KBTBD13: variants seen among roughly 807,000 people sequenced by gnomAD.
The protein encoded by KBTBD13 is kelch repeat and BTB domain containing 13.
A neutral mutation model predicts 25.4 loss-of-function variants in KBTBD13; 32 were observed. The observed-to-expected ratio is 1.26, with a 90% CI of 0.95 to 1.69. KBTBD13 has a LOEUF of 1.69. Among genes scored for constraint, KBTBD13 ranks in the 40% most tolerant of loss-of-function variants. The pLI, the probability that KBTBD13 is intolerant of heterozygous loss-of-function variation, is 0.00. For missense variants in KBTBD13, 898 were observed against 679.5 expected (o/e 1.32, Z -3.57); for synonymous variants, 436 against 329.8 (o/e 1.32, Z -3.49).
Position 65,076,801 on chromosome 15 carries a change from C to T in KBTBD13, c.-15C>T, listed in dbSNP as rs1473422337. The T allele has an allele frequency of 2.0e-6, 3 of 1,508,560 alleles. No homozygotes were observed. The highest frequency in any genetic ancestry group is 2.7e-6 in the Non-Finnish European group (3 of 1,129,298). The allele number at this position is 1,508,560 out of a possible 1,614,324, so 93.4% of individuals were successfully genotyped here. On this transcript the variant is annotated 5_prime_UTR_variant, in exon 1 of 1. Coordinates refer to ENST00000432196, the MANE Select transcript of KBTBD13 (RefSeq NM_001101362.3). Reference sequence around the variant, plus strand: ...CCCAAGGCCCCAGCGGCAGCCTCCGCCCGGCCAGCTCGCCATGGCACGGGG... The same window carrying T: ...CCCAAGGCCCCAGCGGCAGCCTCCGTCCGGCCAGCTCGCCATGGCACGGGG...
Position 65,077,137 on chromosome 15 carries a change from T to C in KBTBD13, c.322T>C (p.Leu108=). ...EHNLTSDNCA[L]LCDAAAAFGL... is the part of the protein sequence containing the mutation. ...CAACCTCACGTCGGACAACTGCGCA[T>C]TGCTGTGCGACGCGGCCGCCGCCTT... Residue 108 remains leucine (L), a synonymous_variant, in exon 1 of 1, where the codon TTG becomes CTG. Coordinates refer to ENST00000432196, the MANE Select transcript of KBTBD13 (RefSeq NM_001101362.3). 1.3e-6 allele frequency: 2 copies of C among 1,518,384 alleles called. No individual in the cohort carries two copies. Among genetic ancestry groups the C allele is most frequent in the Non-Finnish European group, 8.8e-7 (1 of 1,138,028 alleles). 94.1% of individuals were successfully genotyped at this position (1,518,384 alleles called of 1,614,324 possible).
chr15:65,077,917 G>C lies in KBTBD13; in HGVS notation c.1102G>C (p.Ala368Pro), dbSNP rs754648679. 1.9e-6 allele frequency: 3 copies of C among 1,611,850 alleles called. No homozygotes were observed. The highest frequency in any genetic ancestry group is 2.5e-6 in the Non-Finnish European group (3 of 1,179,802). Residue 368 changes from alanine to proline, a missense_variant, in exon 1 of 1, where the codon GCC becomes CCC. Transcript: ENST00000432196. ...ACCTTCCGACGACTTCCTGCACTGC[G>C]CCATCGACTGTCTCAACCTGGCCAC... ...NGPSDDFLHCAIDCLNLATGQ... is the reference protein window; with the variant it reads ...NGPSDDFLHCPIDCLNLATGQ...
In KBTBD13 at chr15:65,077,668, T is replaced by C. The variant is rs768886246; in HGVS notation, c.853T>C (p.Trp285Arg). 18 of 1,584,964 alleles carry C rather than the reference T, an allele frequency of 1.1e-5. No homozygotes were observed. The highest frequency in any genetic ancestry group is 1.5e-5 in the Non-Finnish European group (18 of 1,170,908). ...VERYDPAAGC[W>R]SFVADLPQPA... Reference sequence around the variant, plus strand: ...GCGCTACGACCCAGCCGCGGGCTGCTGGAGTTTCGTGGCCGACCTGCCGCA... The same window carrying C: ...GCGCTACGACCCAGCCGCGGGCTGCCGGAGTTTCGTGGCCGACCTGCCGCA... The change falls in exon 1 of 1, where the codon TGG (tryptophan) becomes CGG (arginine). Residue 285 changes from tryptophan (W) to arginine (R), a missense_variant. By Grantham distance (101) the Trp-to-Arg change is moderately radical. Transcript: ENST00000432196.
chr15:65,077,317 G>A lies in KBTBD13; in HGVS notation c.502G>A (p.Gly168Ser), dbSNP rs1595912667. Residue 168 changes from glycine to serine, a missense_variant, in exon 1 of 1, where the codon GGC becomes AGC. Transcript: ENST00000432196. ...AAVSTHTPAPGFLEDASRTLC... is the reference protein window; with the variant it reads ...AAVSTHTPAPSFLEDASRTLC... ...CGTGAGCACGCACACGCCCGCGCCC[G>A]GCTTCCTGGAGGACGCCTCGCGCAC... is the stretch of plus-strand genomic sequence containing the variant. 1 of 1,424,838 alleles carries A rather than the reference G, an allele frequency of 7.0e-7. No homozygotes were observed. Among genetic ancestry groups the A allele is most frequent in the African/African-American group, 1.5e-5 (1 of 66,822 alleles). The allele number at this position is 1,424,838 out of a possible 1,614,324, so 88.3% of individuals were successfully genotyped here.
rs576436870 is a variant in KBTBD13 at position 65,078,792 on chromosome 15, A to G, written c.*600A>G. Among the ~76,000 whole-genome samples, 2 of 152,352 alleles carry G rather than the reference A, an allele frequency of 1.3e-5. No homozygotes were observed. Among genetic ancestry groups the G allele is most frequent in the East Asian group, 1.9e-4 (1 of 5,194 alleles). On this transcript the variant is annotated 3_prime_UTR_variant, in exon 1 of 1. Coordinates refer to ENST00000432196, the MANE Select transcript of KBTBD13 (RefSeq NM_001101362.3). ...GGGAAAATAGGAAGAGAAAAAATAT[A>G]TAACTCCAGAAAAGAAGAGAGTGTG... is the stretch of plus-strand genomic sequence containing the variant.
At position 65,077,002 on chromosome 15, in the gene KBTBD13, C is replaced by T; in HGVS notation, c.187C>T (p.Gln63Ter). 6.6e-7 allele frequency: 1 copy of T among 1,526,306 alleles called. No individual in the cohort carries two copies. Among genetic ancestry groups the T allele is most frequent in the Non-Finnish European group, 8.8e-7 (1 of 1,141,806 alleles). 94.5% of individuals were successfully genotyped at this position (1,526,306 alleles called of 1,614,324 possible). A position where few individuals can be genotyped will look rare whatever the true frequency, so the allele number is the denominator to read the frequency against. The change falls in exon 1 of 1, where the codon CAG becomes TAG. Residue 63 changes from glutamine to a stop codon, truncating the protein, a stop_gained. Coordinates refer to ENST00000432196, the MANE Select transcript of KBTBD13 (RefSeq NM_001101362.3). LOFTEE classifies it high-confidence loss of function. The stretch of plus-strand genomic sequence containing the variant: ...CGCGGGAGGTTTCCGCGCCACGCTG[C>T]AGGTGCTGCGCGGCGACCGGCCGGC... ...LSAGGFRATL[Q>*]VLRGDRPALA...
chr15:65,077,898 C>T lies in KBTBD13; in HGVS notation c.1083C>T (p.Ser361=), dbSNP rs760978865. ...DSLYVVRNGP[S]DDFLHCAIDC... is the part of the protein sequence containing the mutation. ...TCTATGTGGTGCGCAACGGACCTTC[C>T]GACGACTTCCTGCACTGCGCCATCG... The change falls in exon 1 of 1, where the codon TCC becomes TCT. Residue 361 remains serine, a synonymous_variant. Coordinates refer to ENST00000432196, the MANE Select transcript of KBTBD13 (RefSeq NM_001101362.3). 1.2e-6 allele frequency: 2 copies of T among 1,611,924 alleles called. No homozygotes were observed. Among genetic ancestry groups the T allele is most frequent in the African/African-American group, 2.7e-5 (2 of 75,072 alleles).
Position 65,077,437 on chromosome 15 carries a change from G to C in KBTBD13, c.622G>C (p.Gly208Arg). 6.5e-7 allele frequency: 1 copy of C among 1,528,638 alleles called. No homozygotes were observed. Among genetic ancestry groups the C allele is most frequent in the Non-Finnish European group, 8.8e-7 (1 of 1,142,556 alleles). The allele number at this position is 1,528,638 out of a possible 1,614,324, so 94.7% of individuals were successfully genotyped here. A position where few individuals can be genotyped will look rare whatever the true frequency, so the allele number is the denominator to read the frequency against. The change falls in exon 1 of 1, where the codon GGC becomes CGC. Residue 208 changes from glycine (G) to arginine (R), a missense_variant. Physicochemically the swap from Gly to Arg is moderately radical, Grantham distance 125 (BLOSUM62 -2). Transcript: ENST00000432196. ...STLLAGVATL[G>R]NKLYIVGGVR... ...GTTGCTGGCCGGGGTGGCCACGCTG[G>C]GCAACAAGCTTTACATCGTGGGGGG...
In KBTBD13 at chr15:65,077,014, G is replaced by C. The variant is rs770087291; in HGVS notation, c.199G>C (p.Gly67Arg). The C allele has an allele frequency of 9.9e-6, 15 of 1,511,532 alleles. No individual in the cohort carries two copies. The highest frequency in any genetic ancestry group is 1.1e-5 in the Non-Finnish European group (12 of 1,135,234). 93.6% of individuals were successfully genotyped at this position (1,511,532 alleles called of 1,614,324 possible). ...GFRATLQVLR[G>R]DRPALAAEDE... ...CCGCGCCACGCTGCAGGTGCTGCGC[G>C]GCGACCGGCCGGCGCTGGCGGCGGA... is the stretch of plus-strand genomic sequence containing the variant. The change falls in exon 1 of 1, where the codon GGC becomes CGC. Residue 67 changes from glycine (G) to arginine (R), a missense_variant. Transcript: ENST00000432196.
In KBTBD13 at chr15:65,077,955, G is replaced by C. The variant is rs772820212; in HGVS notation, c.1140G>C (p.Thr380=). ...TCAACCTGGCCACGGGCCAGTGGACGGCGCTGCCCGGCCAGTTCGTCAACA... is the reference window on the plus strand; with the variant it reads ...TCAACCTGGCCACGGGCCAGTGGACCGCGCTGCCCGGCCAGTTCGTCAACA... The part of the protein sequence containing the change: ...DCLNLATGQW[T]ALPGQFVNSK... The change falls in exon 1 of 1, where the codon ACG becomes ACC. Residue 380 remains threonine, a synonymous_variant. Transcript: ENST00000432196. The C allele has an allele frequency of 6.2e-7, 1 of 1,611,130 alleles. No homozygotes were observed. Among genetic ancestry groups the C allele is most frequent in the Non-Finnish European group, 8.5e-7 (1 of 1,179,776 alleles).
Position 65,077,773 on chromosome 15 carries a change from G to T in KBTBD13, c.958G>T (p.Val320Leu), listed in dbSNP as rs367648853. ...CLWRPADTTA[V>L]VEYAVRTDAW... ...GTGGCGGCCGGCCGACACCACCGCC[G>T]TGGTGGAGTACGCAGTGCGGACCGA... is the stretch of plus-strand genomic sequence containing the variant. The change falls in exon 1 of 1, where the codon GTG becomes TTG. Residue 320 changes from valine (V) to leucine (L), a missense_variant. By Grantham distance (32) the Val-to-Leu change is conservative. Coordinates refer to ENST00000432196, the MANE Select transcript of KBTBD13 (RefSeq NM_001101362.3). The T allele has an allele frequency of 1.0e-4, 159 of 1,582,996 alleles. No homozygotes were observed. The East Asian group carries it at 3.2e-3, about 32-fold the overall frequency.
In KBTBD13 at chr15:65,077,934, C is replaced by T. The variant is rs201760548; in HGVS notation, c.1119C>T (p.Asn373=). ...DFLHCAIDCL[N]LATGQWTALP... is the part of the protein sequence containing the mutation. ...TGCACTGCGCCATCGACTGTCTCAA[C>T]CTGGCCACGGGCCAGTGGACGGCGC... The change falls in exon 1 of 1, where the codon AAC becomes AAT. Residue 373 remains asparagine (N), a synonymous_variant. Transcript: ENST00000432196. 1.7e-4 allele frequency: 279 copies of T among 1,611,946 alleles called. No individual in the cohort carries two copies. In the African/African-American group the frequency reaches 3.5e-3, roughly 20 times the overall value.
rs1352903174 is a variant in KBTBD13 at position 65,078,143 on chromosome 15, T to A, written c.1328T>A (p.Leu443Gln). ...TCCTTGCAGACCTTTCTCCTAAGGC[T>A]GCCTCCTGGCGCTCCTGGGCCTGTG... is the stretch of plus-strand genomic sequence containing the variant. Reference protein sequence around the residue: ...PGSLQTFLLRLPPGAPGPVTS... With the variant: ...PGSLQTFLLRQPPGAPGPVTS... The change falls in exon 1 of 1, where the codon CTG becomes CAG. Residue 443 changes from leucine to glutamine, a missense_variant. Coordinates refer to ENST00000432196, the MANE Select transcript of KBTBD13 (RefSeq NM_001101362.3). 3 of 1,550,496 alleles carry A rather than the reference T, an allele frequency of 1.9e-6. No homozygotes were observed. The highest frequency in any genetic ancestry group is 2.7e-5 in the African/African-American group (2 of 73,568).
chr15:65,078,809 G>T lies in KBTBD13; in HGVS notation c.*617G>T, dbSNP rs1255350116. Among the ~76,000 whole-genome samples the T allele has an allele frequency of 6.6e-6, 1 of 152,218 alleles. No individual in the cohort carries two copies. Among genetic ancestry groups the T allele is most frequent in the Non-Finnish European group, 1.5e-5 (1 of 68,028 alleles). On this transcript the variant is annotated 3_prime_UTR_variant, in exon 1 of 1. Transcript: ENST00000432196. ...AAAAATATATAACTCCAGAAAAGAA[G>T]AGAGTGTGCAAACTCTATGGAGGAG...
In KBTBD13 at chr15:65,077,695, C is replaced by G. The variant is rs560695692; in HGVS notation, c.880C>G (p.Pro294Ala). The G allele has an allele frequency of 8.1e-5, 128 of 1,576,936 alleles. 1 individual carries two copies. The South Asian group carries it at 1.4e-3, about 17-fold the overall frequency. ...GAGTTTCGTGGCCGACCTGCCGCAG[C>G]CGGCCGCCGGCGTGCCCTGCGCCCA... ...CWSFVADLPQ[P>A]AAGVPCAQAC... The change falls in exon 1 of 1, where the codon CCG becomes GCG. Residue 294 changes from proline (P) to alanine (A), a missense_variant. By Grantham distance (27) the Pro-to-Ala change is conservative. Coordinates refer to ENST00000432196, the MANE Select transcript of KBTBD13 (RefSeq NM_001101362.3).
rs1394242229 is a variant in KBTBD13 at position 65,077,469 on chromosome 15, C to T, written c.654C>T (p.Arg218=). ...AGCTTTACATCGTGGGGGGCGTGCG[C>T]GGCGCCAGCAAGGAGGTGGTAGAGC... ...GNKLYIVGGV[R]GASKEVVELG... The change falls in exon 1 of 1, where the codon CGC becomes CGT. Residue 218 remains arginine (R), a synonymous_variant. Coordinates refer to ENST00000432196, the MANE Select transcript of KBTBD13 (RefSeq NM_001101362.3). The T allele has an allele frequency of 3.3e-6, 5 of 1,523,894 alleles. No homozygotes were observed. Among genetic ancestry groups the T allele is most frequent in the South Asian group, 2.4e-5 (2 of 83,634 alleles). The allele number at this position is 1,523,894 out of a possible 1,614,324, so 94.4% of individuals were successfully genotyped here.
Position 65,077,556 on chromosome 15 carries a change from G to A in KBTBD13, c.741G>A (p.Pro247=). 1.9e-6 allele frequency: 3 copies of A among 1,545,140 alleles called. No homozygotes were observed. The highest frequency in any genetic ancestry group is 2.6e-6 in the Non-Finnish European group (3 of 1,151,040). ...TWHEFPSPHQ[P]RYDTALAGFD... ...ACGAGTTCCCCAGCCCGCACCAGCC[G>A]CGCTATGACACAGCGCTGGCCGGCT... is the stretch of plus-strand genomic sequence containing the variant. Residue 247 remains proline (P), a synonymous_variant, in exon 1 of 1, where the codon CCG becomes CCA. Transcript: ENST00000432196.
Position 65,077,501 on chromosome 15 carries a change from T to G in KBTBD13, c.686T>G (p.Phe229Cys). 6.6e-7 allele frequency: 1 copy of G among 1,524,686 alleles called. No homozygotes were observed. The highest frequency in any genetic ancestry group is 8.8e-7 in the Non-Finnish European group (1 of 1,137,630). 94.4% of individuals were successfully genotyped at this position (1,524,686 alleles called of 1,614,324 possible). A position where few individuals can be genotyped will look rare whatever the true frequency, so the allele number is the denominator to read the frequency against. The change falls in exon 1 of 1, where the codon TTC (phenylalanine) becomes TGC (cysteine). Residue 229 changes from phenylalanine to cysteine, a missense_variant. Transcript: ENST00000432196. ...AGCAAGGAGGTGGTAGAGCTGGGCT[T>G]CTGCTACGACCCCGACGGCGGCACG... ...GASKEVVELG[F>C]CYDPDGGTWH...
Position 65,077,722 on chromosome 15 carries a change from G to T in KBTBD13, c.907G>T (p.Ala303Ser). 6.3e-7 allele frequency: 1 copy of T among 1,585,616 alleles called. No individual in the cohort carries two copies. Among genetic ancestry groups the T allele is most frequent in the South Asian group, 1.1e-5 (1 of 89,154 alleles). The change falls in exon 1 of 1, where the codon GCT becomes TCT. Residue 303 changes from alanine to serine, a missense_variant. Ala to Ser is a moderately conservative substitution (Grantham distance 99, BLOSUM62 1). Transcript: ENST00000432196. ...QPAAGVPCAQACGRLFVCLWR... is the reference protein window; with the variant it reads ...QPAAGVPCAQSCGRLFVCLWR... ...GGCCGCCGGCGTGCCCTGCGCCCAGGCTTGTGGCCGTCTCTTCGTGTGCCT... is the reference window on the plus strand; with the variant it reads ...GGCCGCCGGCGTGCCCTGCGCCCAGTCTTGTGGCCGTCTCTTCGTGTGCCT...
Sources: gnomAD v4.1 joint callset for allele counts (sites outside exome capture counted in the v4.1 genomes callset) on GRCh38, gnomAD v4.1.1 for gene constraint, MANE v1.5 for transcripts, NCBI Gene and HGNC (gene_info 2026-07-23, HGNC 2026-07-21) for gene names.